FAM149A: variants seen among roughly 807,000 people sequenced by gnomAD.
FAM149A encodes the protein family with sequence similarity 149 member A.
Under a neutral mutation model 78.2 loss-of-function variants are expected in FAM149A, and 71 were observed. That is an observed-to-expected ratio of 0.91 (90% CI 0.75 to 1.11). The LOEUF (loss-of-function observed/expected upper bound fraction) is 1.11, where lower values mean the gene tolerates loss of function less well. FAM149A is among the 50% of genes least tolerant of loss of function. The probability of loss-of-function intolerance (pLI) is 0.00; values close to 1 mark genes in which losing one functional copy is unlikely to be tolerated. For missense variants in FAM149A, 1,036 were observed against 971.0 expected, an observed-to-expected ratio of 1.07 and a Z score of -0.89; for synonymous variants, 446 against 410.5, an observed-to-expected ratio of 1.09 and a Z score of -1.04.
intron 13 of FAM149A, among the ~76,000 whole-genome samples, chr4:186,168,689 G>T (rs1177174531): frequency 1.3e-5 from 2 of 152,176 alleles, no homozygotes; most frequent in Admixed American, 1.3e-4. Flanking sequence ...GTAGGTGCTT[G>T]GGGGGAAGTA....
At chr4:186,168,636 A>G (rs1735260806) in intron 13 of FAM149A, among the ~76,000 whole-genome samples, 1 of 152,200 alleles carries the variant, frequency 6.6e-6, no homozygotes, top group Non-Finnish European at 1.5e-5. Context: ...GATTACAGGC[A>G]TGAGCCACTG....
intron 1 of FAM149A, among the ~76,000 whole-genome samples, chr4:186,111,962 A>G (rs1415190253): frequency 1.3e-5 from 2 of 151,542 alleles, no homozygotes; most frequent in Non-Finnish European, 2.9e-5. Context: ...TGGGGATGGC[A>G]TTGAATCTGT....
Position 186,163,069 on chromosome 4 carries a change from T to A in FAM149A, c.1679+121T>A, listed in dbSNP as rs573569515. 6 of 675,608 alleles carry A rather than the reference T, an allele frequency of 8.9e-6. No individual in the cohort carries two copies. In the East Asian group the frequency reaches 1.3e-4, roughly 15 times the overall value. The allele number at this position is 675,608 out of a possible 1,614,324, so 41.9% of individuals were successfully genotyped here. ...CCCATTTAATCCCGTGCTTCAGATG[T>A]GCCTGAGCACGTCTGGAAGAGCAGA... On this transcript the variant is annotated intron_variant, in intron 9 of 13. Coordinates refer to ENST00000389354, the MANE Select transcript of FAM149A (RefSeq NM_001367768.3).
Position 186,105,630 on chromosome 4 carries a change from G to A in FAM149A, c.554G>A (p.Gly185Glu). 7 of 1,061,740 alleles carry A rather than the reference G, an allele frequency of 6.6e-6. No homozygotes were observed. The highest frequency in any genetic ancestry group is 6.9e-6 in the Non-Finnish European group (6 of 873,158). The allele number at this position is 1,061,740 out of a possible 1,614,324, so 65.8% of individuals were successfully genotyped here. The stretch of plus-strand genomic sequence containing the variant: ...GAGGGGGCCTCGGACGGCGACTCCG[G>A]GGATGGCGAAGCGTGAGTAGCAGCG... Residue 185 changes from glycine to glutamate, a missense_variant, in exon 1 of 14, where the codon GGG becomes GAG. Transcript: ENST00000389354.
intron 1 of FAM149A, chr4:186,127,423 T>C: frequency 1.0e-6 from 1 of 985,408 alleles, no homozygotes; most frequent in African/African-American, 1.7e-5. Flanking sequence ...GATGACTGCT[T>C]CTGTCACAGG....
chr4:186,137,469 T>C (rs1186264835), intron 1 of FAM149A, among the ~76,000 whole-genome samples: 1 of 152,124 alleles, frequency 6.6e-6, no homozygotes. Context: ...TACCACCTAC[T>C]GTTCACTGAA....
chr4:186,145,845 A>G (rs1378795215), intron 1 of FAM149A, among the ~76,000 whole-genome samples: 5 of 152,172 alleles, frequency 3.3e-5, no homozygotes, highest in African/African-American at 1.2e-4. Flanking sequence ...GCATCCTGTA[A>G]GTTGTGTACA....
At chr4:186,126,784 G>C (rs538934771) in intron 1 of FAM149A, 1 of 691,546 alleles carries the variant, frequency 1.4e-6, no homozygotes, top group Non-Finnish European at 1.8e-6. Flanking sequence ...CTTAGCCTCT[G>C]TGATTGCGTG....
chr4:186,154,332 C>A, intron 5 of FAM149A, 136 bp from the exon 6 acceptor site: 1 of 654,326 alleles, frequency 1.5e-6, no homozygotes. Context: ...GAGTTTTGTC[C>A]AATGTAATAT....
intron 1 of FAM149A, among the ~76,000 whole-genome samples, chr4:186,142,489 G>T (rs1459190165): frequency 6.6e-6 from 1 of 152,202 alleles, no homozygotes; most frequent in Non-Finnish European, 1.5e-5. Context: ...TCTTCCCATT[G>T]AGAGCTGGGG....
rs1579745058 is a variant in FAM149A, at chr4:186,105,624, A to T, written c.548A>T (p.Asp183Val). The T allele has an allele frequency of 9.5e-7, 1 of 1,049,782 alleles. No individual in the cohort carries two copies. Among genetic ancestry groups the T allele is most frequent in the East Asian group, 1.1e-4 (1 of 8,894 alleles). The allele number at this position is 1,049,782 out of a possible 1,614,324, so 65.0% of individuals were successfully genotyped here. A position where few individuals can be genotyped will look rare whatever the true frequency, so the allele number is the denominator to read the frequency against. The change falls in exon 1 of 14, where the codon GAC becomes GTC. Residue 183 changes from aspartate (D) to valine (V), a missense_variant. Physicochemically the swap from Asp to Val is radical, Grantham distance 152. Around this residue, in one of 3 missense-constraint regions of FAM149A, gnomAD observed 316 missense variants for 241.9 expected, o/e 1.31. Transcript: ENST00000389354. ...GGCGAGGAGGGGGCCTCGGACGGCGACTCCGGGGATGGCGAAGCGTGAGTA... is the reference window on the plus strand; with the variant it reads ...GGCGAGGAGGGGGCCTCGGACGGCGTCTCCGGGGATGGCGAAGCGTGAGTA...
At position 186,144,690 on chromosome 4, in the gene FAM149A, A is replaced by C; in HGVS notation, c.567-4483A>C. The C allele has an allele frequency of 7.9e-6, 4 of 507,424 alleles. No individual in the cohort carries two copies. Among genetic ancestry groups the C allele is most frequent in the Non-Finnish European group, 1.0e-5 (4 of 392,946 alleles). The allele number at this position is 507,424 out of a possible 1,614,324, so 31.4% of individuals were successfully genotyped here. On this transcript the variant is annotated intron_variant, in intron 1 of 13. Transcript: ENST00000389354. The surrounding 1 kb of genome is among the most constrained non-coding windows in gnomAD (Gnocchi z 4.2). ...GGGTTGGAAACCCGGCCCGGCAGGG[A>C]GCGGGGAAGGCGCGCTTTCCCGGAG... is the stretch of plus-strand genomic sequence containing the variant.
Position 186,156,140 on chromosome 4 carries a change from T to C in FAM149A, c.1370T>C (p.Val457Ala), listed in dbSNP as rs1734019230. 6.2e-7 allele frequency: 1 copy of C among 1,613,542 alleles called. No homozygotes were observed. Among genetic ancestry groups the C allele is most frequent in the Non-Finnish European group, 8.5e-7 (1 of 1,179,846 alleles). Residue 457 changes from valine to alanine, a missense_variant, in exon 7 of 14, where the codon GTA (valine) becomes GCA (alanine). By Grantham distance (64) the Val-to-Ala change is moderately conservative. Coordinates refer to ENST00000389354, the MANE Select transcript of FAM149A (RefSeq NM_001367768.3). ...TTTGATCACGTCTGGACAAATATGG[T>C]AGAACTTTTGGAAGAGCTGATTAGA...
intron 3 of FAM149A, among the ~76,000 whole-genome samples, chr4:186,150,167 T>C (rs4862648): frequency 0.55 from 83,642 of 151,822 alleles, 23,504 homozygotes; most frequent in African/African-American, 0.67. Flanking sequence ...TTTGTCTGTG[T>C]GAGCCTGGGA....
chr4:186,125,649 TA>T (rs2099318002), intron 1 of FAM149A: 3 of 935,586 alleles, frequency 3.2e-6, no homozygotes, highest in Non-Finnish European at 3.8e-6. Context: ...ATCATTCCCA[TA>T]AGGCACTCAG....
chr4:186,111,062 T>G (rs1245154188), intron 1 of FAM149A, among the ~76,000 whole-genome samples: 5 of 134,574 alleles, frequency 3.7e-5, no homozygotes, highest in African/African-American at 1.4e-4. Flanking sequence ...ACCTGTTGTT[T>G]CCTGACTTTT....
At chr4:186,158,001 C>A (rs1734205511) in intron 8 of FAM149A, 2 of 1,478,826 alleles carry the variant, frequency 1.4e-6, no homozygotes, top group African/African-American at 2.8e-5. Flanking sequence ...CCAGATGGAG[C>A]AGTATATCCA....
At chr4:186,109,445 A>G (rs1229598305) in intron 1 of FAM149A, 3 of 980,400 alleles carry the variant, frequency 3.1e-6, no homozygotes, top group African/African-American at 1.8e-5. Context: ...TTCCTCTGAC[A>G]CTGAGGCAGC....
chr4:186,161,003 T>A, intron 8 of FAM149A: 1 of 334,296 alleles, frequency 3.0e-6, no homozygotes, highest in Non-Finnish European at 4.3e-6. Context: ...GTGTCTGGTG[T>A]AGAGTGGACG....
Sources: gnomAD v4.1 joint callset for allele counts (sites outside exome capture counted in the v4.1 genomes callset) on GRCh38, gnomAD v4.1.1 for gene constraint, gnomAD v4.1.1 regional missense constraint, Gnocchi (gnomAD v3.1) non-coding constraint, MANE v1.5 for transcripts, NCBI Gene and HGNC (gene_info 2026-07-23, HGNC 2026-07-21) for gene names.